Variants in STXBP6 observed in about 807,000 individuals in gnomAD.
STXBP6 encodes the protein syntaxin-binding protein 6.
A neutral mutation model predicts 26.9 loss-of-function variants in STXBP6; 21 were observed. That is an observed-to-expected ratio of 0.78 (90% CI 0.55 to 1.12). STXBP6 has a LOEUF of 1.12. STXBP6 is among the 50% of genes most tolerant of loss of function. STXBP6 has a pLI of 0.00. For missense variants in STXBP6, 232 were observed against 257.9 expected, an observed-to-expected ratio of 0.90 and a Z score of 0.69; for synonymous variants, 97 against 92.6, an observed-to-expected ratio of 1.05 and a Z score of -0.27.
chr14:25,046,670 A>G (rs547387611), intron 1 of STXBP6, among the ~76,000 whole-genome samples: 2 of 152,284 alleles, frequency 1.3e-5, no homozygotes, highest in East Asian at 3.9e-4. Context: ...TCCTGACTCA[A>G]GCAGGCTCCC....
At chr14:24,814,441 G>C (rs1365618891) in intron 5 of STXBP6, among the ~76,000 whole-genome samples, 1 of 152,218 alleles carries the variant, frequency 6.6e-6, no homozygotes, top group Admixed American at 6.5e-5. Flanking sequence ...CAGTGCTGCT[G>C]TCCTGGTATT....
Position 24,846,430 on chromosome 14 carries a change from T to A in STXBP6, c.451+9506A>T, listed in dbSNP as rs551710270. 2.0e-5 allele frequency among the ~76,000 whole-genome samples: 3 copies of A among 152,186 alleles called. No individual in the cohort carries two copies. The East Asian group carries it at 5.8e-4, about 29-fold the overall frequency. Reference sequence around the variant, plus strand: ...ATGCCTTTGAGATCTCCATCTCAAATTCTCCCAAAGCCCTTATAATCGTTT... The same window carrying A: ...ATGCCTTTGAGATCTCCATCTCAAAATCTCCCAAAGCCCTTATAATCGTTT... On this transcript the variant is annotated intron_variant, in intron 4 of 5. Coordinates refer to ENST00000323944, the MANE Select transcript of STXBP6 (RefSeq NM_001394410.1).
intron 4 of STXBP6, among the ~76,000 whole-genome samples, chr14:24,836,364 A>G (rs939181799): frequency 4.6e-5 from 7 of 152,174 alleles, no homozygotes; most frequent in East Asian, 1.9e-4. Context: ...TGGGAGGTCG[A>G]GGCGAGCGGA....
intron 1 of STXBP6, among the ~76,000 whole-genome samples, chr14:25,028,821 A>G (rs1301150144): frequency 6.6e-6 from 1 of 152,164 alleles, no homozygotes; most frequent in Non-Finnish European, 1.5e-5. Flanking sequence ...AGGTCAAAAT[A>G]TCAACATTAA....
chr14:24,929,516 A>C (rs2072303694), intron 2 of STXBP6, among the ~76,000 whole-genome samples: 1 of 152,220 alleles, frequency 6.6e-6, no homozygotes, highest in Non-Finnish European at 1.5e-5. Context: ...GCAGTCCTAA[A>C]GGGCATTCAT....
chr14:24,819,046 A>C lies in STXBP6; in HGVS notation c.600T>G (p.Thr200=). The C allele has an allele frequency of 6.3e-7, 1 of 1,591,532 alleles. No homozygotes were observed. Among genetic ancestry groups the C allele is most frequent in the Non-Finnish European group, 8.6e-7 (1 of 1,165,536 alleles). Residue 200 remains threonine, a synonymous_variant, in exon 5 of 6, where the codon ACT becomes ACG. Transcript: ENST00000323944. Reference sequence around the variant, plus strand: ...TCCTCTCTTGGCCCACCTTGTGCGCAGTTTCTGCAAACTGCTGGGCGCTGT... The same window carrying C: ...TCCTCTCTTGGCCCACCTTGTGCGCCGTTTCTGCAAACTGCTGGGCGCTGT... ...LKNSAQQFAE[T]AHKLAMKHKC
intron 2 of STXBP6, among the ~76,000 whole-genome samples, chr14:24,947,192 A>G (rs1404416414): frequency 6.7e-6 from 1 of 149,338 alleles, no homozygotes; most frequent in Non-Finnish European, 1.5e-5. Flanking sequence ...AGGAATATTA[A>G]TAGAGAGCTC....
chr14:24,917,302 T>C (rs1254448858), intron 2 of STXBP6, among the ~76,000 whole-genome samples: 2 of 152,122 alleles, frequency 1.3e-5, no homozygotes, highest in Non-Finnish European at 2.9e-5. Flanking sequence ...ATTGTTTTAC[T>C]ACATTTTCAC....
rs191615246 is a variant in STXBP6 at position 25,019,974 on chromosome 14, C to T, written c.-33+29904G>A. Among the ~76,000 whole-genome samples the T allele has an allele frequency of 3.3e-5, 5 of 149,400 alleles. No homozygotes were observed. The Admixed American group carries it at 3.4e-4, about 10-fold the overall frequency. On this transcript the variant is annotated intron_variant, in intron 1 of 5. Transcript: ENST00000323944. ...GCCATTCACAGAAGTAATTTTTGAGCTCTAAGATTACTGCATATAAACTAT... is the reference window on the plus strand; with the variant it reads ...GCCATTCACAGAAGTAATTTTTGAGTTCTAAGATTACTGCATATAAACTAT...
chr14:24,955,618 T>C (rs148574883), intron 2 of STXBP6, among the ~76,000 whole-genome samples: 222 of 152,152 alleles, frequency 1.5e-3, no homozygotes, highest in African/African-American at 5.0e-3. Context: ...CCTGAACATA[T>C]GGCCCATGAT....
intron 2 of STXBP6, among the ~76,000 whole-genome samples, chr14:24,911,844 T>C (rs567053799): frequency 1.3e-5 from 2 of 152,326 alleles, no homozygotes; most frequent in South Asian, 4.1e-4. Context: ...TGCACATTTG[T>C]GTACATGTTT....
chr14:25,049,838 C>G lies in STXBP6; in HGVS notation c.-33+40G>C. The G allele has an allele frequency of 1.0e-6, 1 of 985,804 alleles. No homozygotes were observed. The highest frequency in any genetic ancestry group is 1.2e-6 in the Non-Finnish European group (1 of 830,314). 61.1% of individuals were successfully genotyped at this position (985,804 alleles called of 1,614,324 possible). A position where few individuals can be genotyped will look rare whatever the true frequency, so the allele number is the denominator to read the frequency against. On this transcript the variant is annotated intron_variant, in intron 1 of 5. Transcript: ENST00000323944. The surrounding 1 kb of genome is among the most constrained non-coding windows in gnomAD (Gnocchi z 5.6). ...TGCAACCGCATCTCCCGGGCTTGGC[C>G]TCCGCCCTGACCGCCTGGCTCCCCT... is the stretch of plus-strand genomic sequence containing the variant.
chr14:25,049,693 C>G lies in STXBP6; in HGVS notation c.-33+185G>C. The G allele has an allele frequency of 1.0e-6, 1 of 985,730 alleles. No homozygotes were observed. The highest frequency in any genetic ancestry group is 1.2e-6 in the Non-Finnish European group (1 of 830,216). 61.1% of individuals were successfully genotyped at this position (985,730 alleles called of 1,614,324 possible). On this transcript the variant is annotated intron_variant, in intron 1 of 5. Coordinates refer to ENST00000323944, the MANE Select transcript of STXBP6 (RefSeq NM_001394410.1). This position sits in a 1 kb window ranked among gnomAD's most constrained non-coding sequence, Gnocchi z 5.6. Reference sequence around the variant, plus strand: ...CACAAAGCAGCTGCGCCGGGGCGCGCGGCCCCCTCTCCCGCCACCCGCCAA... The same window carrying G: ...CACAAAGCAGCTGCGCCGGGGCGCGGGGCCCCCTCTCCCGCCACCCGCCAA...
intron 2 of STXBP6, among the ~76,000 whole-genome samples, chr14:24,898,674 C>A (rs1245280627): frequency 6.6e-6 from 1 of 151,766 alleles, no homozygotes; most frequent in Non-Finnish European, 1.5e-5. Context: ...GATACTCCAT[C>A]TCAAAAAAAA....
intron 2 of STXBP6, among the ~76,000 whole-genome samples, chr14:24,871,213 G>T (rs2069922513): frequency 6.6e-6 from 1 of 152,092 alleles, no homozygotes; most frequent in Non-Finnish European, 1.5e-5. Context: ...CACTGGAGAG[G>T]CATGGCTTCT....
chr14:24,933,726 A>G (rs1595140073), intron 2 of STXBP6, among the ~76,000 whole-genome samples: 1 of 152,286 alleles, frequency 6.6e-6, no homozygotes, highest in East Asian at 1.9e-4. Context: ...TTTGTTGAAT[A>G]TTATAGAACA....
rs148864762 is a variant in STXBP6, at chr14:24,856,041, C to A, written c.346G>T (p.Ala116Ser). Residue 116 changes from alanine (A) to serine (S), a missense_variant, in exon 4 of 6, where the codon GCG becomes TCG. Coordinates refer to ENST00000323944, the MANE Select transcript of STXBP6 (RefSeq NM_001394410.1). ...NAFDQWVASTASEKCTFFQIL... is the reference protein window; with the variant it reads ...NAFDQWVASTSSEKCTFFQIL... Reference sequence around the variant, plus strand: ...TGGAAGAAGGTGCATTTTTCTGACGCTGTGCTGGCTACCCACTGGTCAAAA... The same window carrying A: ...TGGAAGAAGGTGCATTTTTCTGACGATGTGCTGGCTACCCACTGGTCAAAA... The A allele has an allele frequency of 3.1e-6, 5 of 1,611,006 alleles. No homozygotes were observed. In the African/African-American group the frequency reaches 6.7e-5, roughly 22 times the overall value.
In STXBP6 at chr14:24,874,520, G is replaced by C. The variant is rs576045593; in HGVS notation, c.155-17363C>G. On this transcript the variant is annotated intron_variant, in intron 2 of 5. Transcript: ENST00000323944. Reference sequence around the variant, plus strand: ...GCCACTATCCTTGAAAGGCTCTGGAGAAACACAGCCAGAATCCAAATCGCT... The same window carrying C: ...GCCACTATCCTTGAAAGGCTCTGGACAAACACAGCCAGAATCCAAATCGCT... Among the ~76,000 whole-genome samples the C allele has an allele frequency of 5.9e-5, 9 of 152,196 alleles. No homozygotes were observed. In the South Asian group the frequency reaches 1.9e-3, roughly 32 times the overall value.
At chr14:24,831,970 A>G (rs2068468226) in intron 4 of STXBP6, among the ~76,000 whole-genome samples, 1 of 152,180 alleles carries the variant, frequency 6.6e-6, no homozygotes, top group African/African-American at 2.4e-5. Flanking sequence ...TTGCTAAATT[A>G]GAGCTCAGTG....
Sources: gnomAD v4.1 joint callset for allele counts (sites outside exome capture counted in the v4.1 genomes callset) on GRCh38, gnomAD v4.1.1 for gene constraint, Gnocchi (gnomAD v3.1) non-coding constraint, MANE v1.5 for transcripts, NCBI Gene and HGNC (gene_info 2026-07-23, HGNC 2026-07-21) for gene names.